CTNNA2: variants seen among roughly 807,000 people sequenced by gnomAD.
The protein encoded by CTNNA2 is catenin alpha 2.
CTNNA2 carries 42 observed loss-of-function variants against 101.0 expected under a neutral mutation model. That is an observed-to-expected ratio of 0.42 (90% CI 0.32 to 0.54). The LOEUF (loss-of-function observed/expected upper bound fraction) is 0.54, where lower values mean the gene tolerates loss of function less well. Among genes scored for constraint, CTNNA2 ranks in the 20% least tolerant of loss-of-function variants. The probability of loss-of-function intolerance (pLI) is 0.14; values close to 1 mark genes in which losing one functional copy is unlikely to be tolerated. For synonymous variants in CTNNA2, 450 were observed against 456.4 expected (o/e 0.99, Z 0.18); for missense variants, 871 against 1,223.1 (o/e 0.71, Z 4.29).
At chr2:80,526,349 A>G (rs1013722886) in intron 9 of CTNNA2, among the ~76,000 whole-genome samples, 2 of 152,150 alleles carry the variant, frequency 1.3e-5, no homozygotes, top group East Asian at 1.9e-4. Context: ...ACAGGCGTGC[A>G]TCACCACATC....
rs780995956 is a variant in CTNNA2, at chr2:79,193,191, T to C, written c.-523-4768T>C. ...TGTATGATATTTTAATTTTTTACTA[T>C]AATGTATTCATTCTACTTGGGTGGA... On this transcript the variant is annotated intron_variant, in intron 1 of 21. Coordinates refer to the CTNNA2 transcript ENST00000466387. Among the ~76,000 whole-genome samples the C allele has an allele frequency of 1.2e-4, 19 of 152,332 alleles. No homozygotes were observed. The East Asian group carries it at 1.9e-3, about 15-fold the overall frequency.
intron 2 of CTNNA2, among the ~76,000 whole-genome samples, chr2:79,252,259 GTCCC>G (rs139673403): frequency 0.016 from 2,352 of 151,386 alleles, 23 homozygotes; most frequent in Non-Finnish European, 0.027. Context: ...GTTTGAAACA[GTCCC>G]TCAAGTTAAA....
chr2:79,790,195 C>G (rs1675162376), intron 3 of CTNNA2, among the ~76,000 whole-genome samples: 1 of 151,986 alleles, frequency 6.6e-6, no homozygotes, highest in Non-Finnish European at 1.5e-5. Flanking sequence ...TAAAAAGATA[C>G]AAATGAAACG....
chr2:79,315,790 G>A (rs1449044197), intron 3 of CTNNA2, among the ~76,000 whole-genome samples: 2 of 151,938 alleles, frequency 1.3e-5, no homozygotes, highest in Non-Finnish European at 2.9e-5. Flanking sequence ...AAATTTTTGG[G>A]TACTGTGATA....
intron 15 of CTNNA2, among the ~76,000 whole-genome samples, chr2:80,595,961 C>G (rs1383784661): frequency 1.3e-5 from 2 of 152,014 alleles, no homozygotes; most frequent in African/African-American, 2.4e-5. Flanking sequence ...GGCAGTGTGG[C>G]CATTGTCACA....
intron 7 of CTNNA2, among the ~76,000 whole-genome samples, chr2:80,024,637 G>T (rs984017994): frequency 1.3e-5 from 2 of 152,200 alleles, no homozygotes; most frequent in African/African-American, 4.8e-5. Context: ...CGCTCTGGTG[G>T]GAGCAGGCTC....
intron 1 of CTNNA2, chr2:79,633,941 ATAGT>A (rs1188656122): frequency 4.6e-5 from 7 of 151,586 alleles, no homozygotes; most frequent in South Asian, 2.1e-4. Context: ...CTAATCATAA[ATAGT>A]TAGTATAGAA....
chr2:80,589,905 T>TGTGCGTGC (rs1491383706), intron 15 of CTNNA2, among the ~76,000 whole-genome samples: 2 of 114,498 alleles, frequency 1.7e-5, no homozygotes, highest in Admixed American at 8.8e-5. Flanking sequence ...TGTGTGTGTG[T>TGTGCGTGC]GCGCGCGCGC....
At chr2:80,437,835 C>T (rs979013520) in intron 9 of CTNNA2, among the ~76,000 whole-genome samples, 5 of 152,106 alleles carry the variant, frequency 3.3e-5, no homozygotes, top group African/African-American at 7.2e-5. Flanking sequence ...CCCTTCTCTA[C>T]GAAAAATACA....
At chr2:80,180,483 A>G (rs997981465) in intron 7 of CTNNA2, among the ~76,000 whole-genome samples, 2 of 152,184 alleles carry the variant, frequency 1.3e-5, no homozygotes, top group Non-Finnish European at 2.9e-5. Context: ...TCTGCTGTCC[A>G]TTACGGTAAC....
At chr2:80,381,125 G>A (rs951301817) in intron 7 of CTNNA2, among the ~76,000 whole-genome samples, 2 of 151,952 alleles carry the variant, frequency 1.3e-5, no homozygotes, top group South Asian at 4.2e-4. Flanking sequence ...AGTGCCAGTG[G>A]CTTGCACCTT....
intron 9 of CTNNA2, among the ~76,000 whole-genome samples, chr2:80,520,874 G>T (rs1477878990): frequency 6.6e-6 from 1 of 152,270 alleles, no homozygotes; most frequent in African/African-American, 2.4e-5. Context: ...CAGTAAAAAA[G>T]AGTGGTATTT....
At chr2:80,065,413 C>A (rs1697916256) in intron 7 of CTNNA2, among the ~76,000 whole-genome samples, 1 of 150,526 alleles carries the variant, frequency 6.6e-6, no homozygotes, top group East Asian at 1.9e-4. Context: ...GGCTGGAGTG[C>A]AGTGGCATGA....
chr2:80,101,976 G>A (rs1054753945), intron 7 of CTNNA2, among the ~76,000 whole-genome samples: 2 of 152,150 alleles, frequency 1.3e-5, no homozygotes, highest in Non-Finnish European at 2.9e-5. Flanking sequence ...CAATGTTTCT[G>A]CATGTGATGT....
chr2:80,043,162 C>T (rs1176299201), intron 7 of CTNNA2, among the ~76,000 whole-genome samples: 5 of 105,376 alleles, frequency 4.7e-5, no homozygotes, highest in African/African-American at 1.6e-4. Context: ...TCCTTCCTTC[C>T]TTCCTTCCTT....
intron 7 of CTNNA2, among the ~76,000 whole-genome samples, chr2:80,137,204 C>T (rs952480140): frequency 1.3e-5 from 2 of 152,108 alleles, no homozygotes; most frequent in Non-Finnish European, 2.9e-5. Context: ...TTTTGAGAAA[C>T]CTACCACAGT....
At chr2:80,163,145 C>A in intron 7 of CTNNA2, 2 of 1,557,292 alleles carry the variant, frequency 1.3e-6, no homozygotes, top group South Asian at 2.3e-5. Context: ...TATTACTGGC[C>A]CAGCCTGGTG....
intron 7 of CTNNA2, among the ~76,000 whole-genome samples, chr2:80,167,270 G>A (rs893043939): frequency 1.3e-5 from 2 of 151,954 alleles, no homozygotes; most frequent in African/African-American, 4.8e-5. Context: ...CTTGTTATTA[G>A]AAGCTTGACA....
chr2:79,577,048 A>G (rs761980768), intron 1 of CTNNA2, among the ~76,000 whole-genome samples: 3 of 152,102 alleles, frequency 2.0e-5, no homozygotes, highest in Non-Finnish European at 2.9e-5. Flanking sequence ...TCTTTGATCT[A>G]TCTAGCAGTT....
Sources: gnomAD v4.1 joint callset for allele counts (sites outside exome capture counted in the v4.1 genomes callset) on GRCh38, gnomAD v4.1.1 for gene constraint, MANE v1.5 for transcripts, NCBI Gene and HGNC (gene_info 2026-07-23, HGNC 2026-07-21) for gene names.